PTPRM: variants seen among roughly 807,000 people sequenced by gnomAD.
The protein encoded by PTPRM is protein tyrosine phosphatase receptor type M.
Under a neutral mutation model 186.7 loss-of-function variants are expected in PTPRM, and 47 were observed. The observed-to-expected ratio is 0.25, with a 90% confidence interval of 0.20 to 0.32. The LOEUF (loss-of-function observed/expected upper bound fraction) is 0.32. Among genes scored for constraint, PTPRM ranks in the 10% least tolerant of loss-of-function variants. The probability of loss-of-function intolerance (pLI) is 1.00; values close to 1 mark genes in which losing one functional copy is unlikely to be tolerated. For synonymous variants in PTPRM, 668 were observed against 674.9 expected (o/e 0.99, Z 0.16); for missense variants, 1,494 against 1,865.0 (o/e 0.80, Z 3.66).
chr18:8,216,590 A>G (rs572742825), intron 14 of PTPRM, among the ~76,000 whole-genome samples: 4 of 151,890 alleles, frequency 2.6e-5, no homozygotes, highest in African/African-American at 7.2e-5. Context: ...CATTTTTCCT[A>G]TTTTGTTTTG....
intron 2 of PTPRM, among the ~76,000 whole-genome samples, chr18:7,783,679 C>G (rs2145114000): frequency 6.6e-6 from 1 of 151,958 alleles, no homozygotes; most frequent in South Asian, 2.1e-4. Context: ...TCAAGGGATC[C>G]TCCTGCTTGG....
chr18:7,582,098 G>T (rs539023734), intron 1 of PTPRM, among the ~76,000 whole-genome samples: 241 of 152,260 alleles, frequency 1.6e-3, no homozygotes, highest in Non-Finnish European at 2.6e-3. Flanking sequence ...GGCAAACAAG[G>T]TATATTGGTT....
At chr18:8,389,809 A>G (rs2148567028) in intron 31 of PTPRM, among the ~76,000 whole-genome samples, 1 of 152,304 alleles carries the variant, frequency 6.6e-6, no homozygotes, top group East Asian at 1.9e-4. Flanking sequence ...AGAGCATGGC[A>G]TTCAGCATAG....
chr18:7,754,557 A>T (rs1016885573), intron 1 of PTPRM, among the ~76,000 whole-genome samples: 1 of 152,088 alleles, frequency 6.6e-6, no homozygotes, highest in African/African-American at 2.4e-5. Flanking sequence ...TCCTTTCCAT[A>T]TTACCTGGAA....
intron 1 of PTPRM, among the ~76,000 whole-genome samples, chr18:7,630,446 A>G (rs918422782): frequency 2.0e-5 from 3 of 152,070 alleles, no homozygotes; most frequent in African/African-American, 7.2e-5. Context: ...GGCTGCAGGG[A>G]GTTGGGGTGA....
At chr18:8,221,340 C>T (rs1029019471) in intron 14 of PTPRM, among the ~76,000 whole-genome samples, 1 of 152,180 alleles carries the variant, frequency 6.6e-6, no homozygotes, top group African/African-American at 2.4e-5. Context: ...GTCATTGTCA[C>T]CCTGCATCCC....
intron 14 of PTPRM, among the ~76,000 whole-genome samples, chr18:8,152,526 C>T (rs1174603739): frequency 6.6e-6 from 1 of 151,936 alleles, no homozygotes; most frequent in Admixed American, 6.6e-5. Context: ...TGTCATGTGC[C>T]GTTTATCTCT....
intron 1 of PTPRM, among the ~76,000 whole-genome samples, chr18:7,664,802 C>T (rs55750787): frequency 0.29 from 43,342 of 151,800 alleles, 8,372 homozygotes; most frequent in African/African-American, 0.54. Flanking sequence ...GGATATATTA[C>T]TGGGGCTGTA....
chr18:7,720,349 A>G (rs1191478063), intron 1 of PTPRM, among the ~76,000 whole-genome samples: 1 of 152,160 alleles, frequency 6.6e-6, no homozygotes, highest in Non-Finnish European at 1.5e-5. Flanking sequence ...GGGTGCTGGC[A>G]TACGAATTGG....
At chr18:8,011,013 C>A (rs1321368926) in intron 7 of PTPRM, among the ~76,000 whole-genome samples, 2 of 152,098 alleles carry the variant, frequency 1.3e-5, no homozygotes, top group Non-Finnish European at 2.9e-5. Context: ...CATTGATGAA[C>A]CCAGCCCAAG....
chr18:8,016,748 G>C (rs1412530734), intron 7 of PTPRM, among the ~76,000 whole-genome samples: 8 of 152,062 alleles, frequency 5.3e-5, no homozygotes, highest in African/African-American at 1.9e-4. Context: ...CATTAACATT[G>C]CTGTTGATTT....
chr18:8,255,661 C>T (rs2094567797), intron 19 of PTPRM, among the ~76,000 whole-genome samples: 1 of 152,126 alleles, frequency 6.6e-6, no homozygotes, highest in Non-Finnish European at 1.5e-5. Flanking sequence ...GAACAAAACA[C>T]ATATACTAGA....
intron 7 of PTPRM, among the ~76,000 whole-genome samples, chr18:7,972,478 TTAAAAAAAAAAAAAA>T (rs1297103359): frequency 1.2e-4 from 1 of 8,132 alleles, no homozygotes; most frequent in Non-Finnish European, 2.9e-4. Context: ...AAAAAAAACA[TTAAAAAAAAAAAAAA>T]AGGAGAGAAA....
intron 19 of PTPRM, among the ~76,000 whole-genome samples, chr18:8,292,769 TAATC>T (rs1163753800): frequency 6.6e-6 from 1 of 152,196 alleles, no homozygotes; most frequent in East Asian, 1.9e-4. Flanking sequence ...TTTATAGAAG[TAATC>T]AATAGTTAAA....
chr18:8,334,291 C>T (rs549301442), intron 22 of PTPRM, among the ~76,000 whole-genome samples: 1 of 152,320 alleles, frequency 6.6e-6, no homozygotes, highest in East Asian at 1.9e-4. Flanking sequence ...TTAACACTGT[C>T]TTCCTAGTAC....
At chr18:8,293,641 A>G (rs1004332766) in intron 19 of PTPRM, among the ~76,000 whole-genome samples, 2 of 152,242 alleles carry the variant, frequency 1.3e-5, no homozygotes, top group Non-Finnish European at 2.9e-5. Flanking sequence ...TGGAAGTCAA[A>G]TAGTAGTTAT....
At chr18:8,378,190 G>A (rs952081719) in intron 26 of PTPRM, 75 bp from the exon 27 acceptor site, 4 of 1,431,544 alleles carry the variant, frequency 2.8e-6, no homozygotes, top group Non-Finnish European at 1.9e-6. Flanking sequence ...TGATGATGTG[G>A]GGCTAAAATT....
chr18:8,110,816 T>C (rs2091721285), intron 11 of PTPRM, among the ~76,000 whole-genome samples: 1 of 152,162 alleles, frequency 6.6e-6, no homozygotes, highest in African/African-American at 2.4e-5. Context: ...CGTCTATAAC[T>C]CCCTTGATGT....
chr18:8,385,989 G>T (rs2095769880), intron 30 of PTPRM, among the ~76,000 whole-genome samples: 2 of 152,104 alleles, frequency 1.3e-5, no homozygotes, highest in African/African-American at 4.8e-5. Flanking sequence ...CTGGGGAATG[G>T]AGTGGGCTCT....
Sources: allele counts gnomAD v4.1 joint callset (sites outside exome capture counted in the v4.1 genomes callset), GRCh38; gene constraint gnomAD v4.1.1; transcripts MANE v1.5; gene names NCBI Gene and HGNC (gene_info 2026-07-23, HGNC 2026-07-21).